The following FRMD4A variants were observed in gnomAD, a reference collection of about 807,000 sequenced individuals.
The protein encoded by FRMD4A is FERM domain-containing protein 4A.
In FRMD4A, 29 loss-of-function variants were observed where a neutral mutation model predicts 129.1. The observed-to-expected ratio is 0.22, with a 90% CI of 0.17 to 0.31. The LOEUF (loss-of-function observed/expected upper bound fraction) is 0.31, where lower values mean the gene tolerates loss of function less well. Among genes scored for constraint, FRMD4A ranks in the 10% least tolerant of loss-of-function variants. The pLI, the probability that FRMD4A is intolerant of heterozygous loss-of-function variation, is 1.00. For missense variants in FRMD4A, 1,272 were observed against 1,375.8 expected, an observed-to-expected ratio of 0.92 and a Z score of 1.19; for synonymous variants, 634 against 571.6, an observed-to-expected ratio of 1.11 and a Z score of -1.56.
chr10:13,761,764 A>G, intron 7 of FRMD4A, 95 bp from the exon 8 acceptor site: 1 of 817,216 alleles, frequency 1.2e-6, no homozygotes, highest in Non-Finnish European at 2.0e-6. Context: ...TCTCTACTGA[A>G]TGAGATGAGT....
intron 4 of FRMD4A, among the ~76,000 whole-genome samples, chr10:13,802,899 G>A (rs2093284458): frequency 6.6e-6 from 1 of 152,056 alleles, no homozygotes; most frequent in Non-Finnish European, 1.5e-5. Context: ...GACAGACCAG[G>A]CACTTTGGGA....
chr10:14,184,141 T>G (rs996876601), intron 2 of FRMD4A, among the ~76,000 whole-genome samples: 3 of 140,090 alleles, frequency 2.1e-5, no homozygotes, highest in African/African-American at 8.0e-5. Context: ...TTTTTTTTTT[T>G]TTTTTTTTGA....
chr10:13,945,230 A>G (rs958888554), intron 2 of FRMD4A, among the ~76,000 whole-genome samples: 1 of 152,204 alleles, frequency 6.6e-6, no homozygotes, highest in Non-Finnish European at 1.5e-5. Context: ...AACCAAGTCC[A>G]TATCTTAAAT....
At chr10:13,778,875 G>C (rs565285530) in intron 6 of FRMD4A, among the ~76,000 whole-genome samples, 1 of 152,206 alleles carries the variant, frequency 6.6e-6, no homozygotes. Flanking sequence ...GGGTTGATGG[G>C]TGCAGCAAAC....
At chr10:13,680,230 G>GC (rs2084420282) in intron 15 of FRMD4A, among the ~76,000 whole-genome samples, 1 of 152,184 alleles carries the variant, frequency 6.6e-6, no homozygotes, top group Non-Finnish European at 1.5e-5. Context: ...GCCAAGGAGG[G>GC]AGCATCCCTT....
At chr10:14,329,010 G>A (rs1450706408) in intron 2 of FRMD4A, among the ~76,000 whole-genome samples, 1 of 152,156 alleles carries the variant, frequency 6.6e-6, no homozygotes, top group Admixed American at 6.5e-5. Flanking sequence ...GGAATTTTGA[G>A]CAACGAAGAA....
intron 2 of FRMD4A, among the ~76,000 whole-genome samples, chr10:13,982,833 A>C (rs1032699457): frequency 2.0e-5 from 3 of 152,116 alleles, no homozygotes; most frequent in Non-Finnish European, 4.4e-5. Context: ...GAATGTACTG[A>C]TTTTGTCAGC....
At chr10:13,955,691 C>T (rs2457851) in intron 2 of FRMD4A, among the ~76,000 whole-genome samples, 70,152 of 152,030 alleles carry the variant, frequency 0.46, 17,366 homozygotes, top group East Asian at 0.82. Context: ...TATTTGCCAA[C>T]GTGGAGCCAG....
chr10:13,675,080 C>T, intron 15 of FRMD4A, 36 bp from the exon 16 acceptor site: 1 of 1,591,948 alleles, frequency 6.3e-7, no homozygotes. Context: ...GGCCAGCTGA[C>T]AGGGGACACA....
Position 14,187,901 on chromosome 10 carries a change from A to G in FRMD4A, c.45+142157T>C, listed in dbSNP as rs773677073. ...CCATTAGCTTTATGGGCCTTGGGAC[A>G]GTGGGGTTCCCAGTTTTCCCGGGAG... On this transcript the variant is annotated intron_variant, in intron 2 of 24. Transcript: ENST00000357447. Among the ~76,000 whole-genome samples, 171 of 152,202 alleles carry G rather than the reference A, an allele frequency of 1.1e-3. 2 individuals carry two copies. The highest frequency in any genetic ancestry group is 2.2e-4 in the Non-Finnish European group (15 of 68,032).
chr10:13,853,297 T>G (rs970179706), intron 3 of FRMD4A, among the ~76,000 whole-genome samples: 1 of 152,122 alleles, frequency 6.6e-6, no homozygotes, highest in Non-Finnish European at 1.5e-5. Flanking sequence ...CTTAACACTT[T>G]GAGAAGGAAA....
intron 12 of FRMD4A, among the ~76,000 whole-genome samples, chr10:13,715,954 C>T (rs965033805): frequency 3.3e-5 from 5 of 151,418 alleles, no homozygotes; most frequent in African/African-American, 7.3e-5. Flanking sequence ...CATTCCCCTC[C>T]GTCAATTACA....
At chr10:13,906,669 C>T (rs1241666716) in intron 2 of FRMD4A, among the ~76,000 whole-genome samples, 3 of 152,138 alleles carry the variant, frequency 2.0e-5, no homozygotes, top group African/African-American at 4.8e-5. Context: ...CTGCTGTGAG[C>T]TTTAATGAGA....
rs562678410 is a variant in FRMD4A at position 14,132,602 on chromosome 10, A to G, written c.45+197456T>C. Among the ~76,000 whole-genome samples the G allele has an allele frequency of 3.3e-5, 5 of 152,336 alleles. No individual in the cohort carries two copies. In the South Asian group the frequency reaches 1.0e-3, roughly 32 times the overall value. On this transcript the variant is annotated intron_variant, in intron 2 of 24. Transcript: ENST00000357447. ...AGGGGAGGAGGAGGAGAGCAGAGACAGTAGATCTGGAGTATTCCCCACCAC... is the reference window on the plus strand; with the variant it reads ...AGGGGAGGAGGAGGAGAGCAGAGACGGTAGATCTGGAGTATTCCCCACCAC...
At chr10:13,709,567 C>T (rs2087805798) in intron 12 of FRMD4A, among the ~76,000 whole-genome samples, 1 of 152,156 alleles carries the variant, frequency 6.6e-6, no homozygotes, top group African/African-American at 2.4e-5. Context: ...TGCTGCAAAT[C>T]CTTAAATACA....
rs550088849 is a variant in FRMD4A, at chr10:14,212,309, C to T, written c.45+117749G>A. Among the ~76,000 whole-genome samples, 3 of 152,240 alleles carry T rather than the reference C, an allele frequency of 2.0e-5. No individual in the cohort carries two copies. The South Asian group carries it at 6.2e-4, about 32-fold the overall frequency. ...ATCACTAGCCTTTGCCTGCTTAGAC[C>T]TTTTGTTTCTAGGGAAAGGTGGAAC... On this transcript the variant is annotated intron_variant, in intron 2 of 24. Transcript: ENST00000357447.
intron 5 of FRMD4A, among the ~76,000 whole-genome samples, chr10:13,794,684 G>C (rs959367926): frequency 6.6e-6 from 1 of 152,216 alleles, no homozygotes; most frequent in Admixed American, 6.5e-5. Flanking sequence ...ACATAGTGGA[G>C]AATGGCTGTC....
At chr10:14,099,334 G>A (rs1372941081) in intron 2 of FRMD4A, among the ~76,000 whole-genome samples, 1 of 148,020 alleles carries the variant, frequency 6.8e-6, no homozygotes. Context: ...AGAGATGAGA[G>A]ACAGAAGAGA....
At chr10:14,212,619 C>T (rs894120310) in intron 2 of FRMD4A, among the ~76,000 whole-genome samples, 1 of 152,152 alleles carries the variant, frequency 6.6e-6, no homozygotes, top group Non-Finnish European at 1.5e-5. Flanking sequence ...GTCTTGAAAC[C>T]AGAGTAGGAG....
Sources: gnomAD v4.1 joint callset for allele counts (sites outside exome capture counted in the v4.1 genomes callset) on GRCh38, gnomAD v4.1.1 for gene constraint, MANE v1.5 for transcripts, NCBI Gene and HGNC (gene_info 2026-07-23, HGNC 2026-07-21) for gene names.